The following CNTLN variants were observed in gnomAD, a reference collection of about 807,000 sequenced individuals.
CNTLN encodes the protein centlein, centrosomal protein.
CNTLN carries 212 observed loss-of-function variants against 180.0 expected under a neutral mutation model. The ratio of observed to expected loss-of-function variants is 1.18; its 90% CI spans 1.05 to 1.32. The LOEUF (loss-of-function observed/expected upper bound fraction) is 1.32, where lower values mean the gene tolerates loss of function less well. Ranked by LOEUF, CNTLN falls within the 40% of genes most tolerant of loss-of-function variation. The pLI is 0.00. For synonymous variants in CNTLN, 722 were observed against 563.1 expected, an observed-to-expected ratio of 1.28 and a Z score of -3.99; for missense variants, 2,095 against 1,610.9, an observed-to-expected ratio of 1.30 and a Z score of -5.14.
chr9:17,527,015 T>G, the CNTLN span, among the ~76,000 whole-genome samples: 6 of 152,266 alleles, frequency 3.9e-5, no homozygotes, highest in East Asian at 9.7e-4. Flanking sequence ...GTAGCTGGGA[T>G]TATAGGCGTG....
intron 15 of CNTLN, among the ~76,000 whole-genome samples, chr9:17,405,290 G>T (rs940184512): frequency 1.3e-5 from 2 of 151,630 alleles, no homozygotes; most frequent in Non-Finnish European, 2.9e-5. Flanking sequence ...ATTGTCTTCA[G>T]TCAGTGGACA....
intron 13 of CNTLN, among the ~76,000 whole-genome samples, chr9:17,387,721 A>G (rs1239044666): frequency 1.3e-5 from 2 of 152,112 alleles, no homozygotes; most frequent in Non-Finnish European, 2.9e-5. Flanking sequence ...TACAATTTCA[A>G]TCCACCCTAA....
chr9:17,212,865 A>G (rs1310429304), intron 2 of CNTLN, among the ~76,000 whole-genome samples: 3 of 152,102 alleles, frequency 2.0e-5, no homozygotes, highest in Non-Finnish European at 2.9e-5. Context: ...GTATTCTCTG[A>G]TGGTAATTTG....
At chr9:17,337,325 T>C (rs1405104733) in intron 10 of CNTLN, among the ~76,000 whole-genome samples, 2 of 149,624 alleles carry the variant, frequency 1.3e-5, no homozygotes, top group Non-Finnish European at 2.9e-5. Flanking sequence ...TAGATCCCAT[T>C]TGTCAATTTT....
chr9:17,349,500 C>A (rs1822186935), intron 12 of CNTLN, among the ~76,000 whole-genome samples: 1 of 151,974 alleles, frequency 6.6e-6, no homozygotes, highest in Non-Finnish European at 1.5e-5. Context: ...CTTTTAAAGA[C>A]TTTTATAAAA....
At chr9:17,206,987 C>T (rs1005089498) in intron 2 of CNTLN, among the ~76,000 whole-genome samples, 1 of 152,222 alleles carries the variant, frequency 6.6e-6, no homozygotes, top group African/African-American at 2.4e-5. Context: ...CCCTCCTTGT[C>T]TGTGCACTGA....
chr9:17,442,515 C>G (rs1335624420), intron 18 of CNTLN, among the ~76,000 whole-genome samples: 1 of 152,174 alleles, frequency 6.6e-6, no homozygotes, highest in Non-Finnish European at 1.5e-5. Context: ...TCTCCTGCCT[C>G]AGCCTCCTGA....
At chr9:17,415,324 AT>A (rs1828143886) in intron 16 of CNTLN, among the ~76,000 whole-genome samples, 2 of 152,170 alleles carry the variant, frequency 1.3e-5, no homozygotes, top group South Asian at 2.1e-4. Flanking sequence ...ATAATAGAGT[AT>A]TTGAGAAAAG....
At chr9:17,156,899 C>G (rs995487983) in intron 2 of CNTLN, among the ~76,000 whole-genome samples, 4 of 152,104 alleles carry the variant, frequency 2.6e-5, no homozygotes, top group African/African-American at 9.7e-5. Flanking sequence ...CTTTGGGAAG[C>G]AATGTAATTG....
chr9:17,315,318 T>C (rs1113380), intron 8 of CNTLN, among the ~76,000 whole-genome samples: 126,782 of 151,750 alleles, frequency 0.84, 53,140 homozygotes, highest in Non-Finnish European at 0.87. Flanking sequence ...ATGTTGTTTT[T>C]TGTATTTTGT....
At chr9:17,216,085 G>A (rs1196054796) in intron 2 of CNTLN, among the ~76,000 whole-genome samples, 1 of 152,134 alleles carries the variant, frequency 6.6e-6, no homozygotes, top group East Asian at 1.9e-4. Flanking sequence ...ACAAGCCCCA[G>A]TGAGTTGAAC....
At chr9:17,239,400 C>G (rs985883849) in intron 5 of CNTLN, among the ~76,000 whole-genome samples, 18 of 152,258 alleles carry the variant, frequency 1.2e-4, no homozygotes, top group African/African-American at 4.1e-4. Context: ...TACATTGAAA[C>G]TATTTTTTCT....
intron 7 of CNTLN, among the ~76,000 whole-genome samples, chr9:17,305,728 C>T (rs1818659678): frequency 6.6e-6 from 1 of 152,242 alleles, no homozygotes; most frequent in Non-Finnish European, 1.5e-5. Flanking sequence ...ACCAAGTTTA[C>T]TGCTGGACTG....
At position 17,197,784 on chromosome 9, in the gene CNTLN, C is replaced by T. The variant is rs558391078; in HGVS notation, c.450-28419C>T. On this transcript the variant is annotated intron_variant, in intron 2 of 25. Transcript: ENST00000380647. Reference sequence around the variant, plus strand: ...TTTTGCTTTGGTTGCCTGTGCTTATCGAGTATTACTCAAGAAATCTTTGCT... The same window carrying T: ...TTTTGCTTTGGTTGCCTGTGCTTATTGAGTATTACTCAAGAAATCTTTGCT... Among the ~76,000 whole-genome samples, 9 of 152,148 alleles carry T rather than the reference C, an allele frequency of 5.9e-5. No homozygotes were observed. The East Asian group carries it at 1.2e-3, about 20-fold the overall frequency.
At chr9:17,473,022 C>G (rs1832116879) in intron 23 of CNTLN, among the ~76,000 whole-genome samples, 2 of 152,124 alleles carry the variant, frequency 1.3e-5, no homozygotes, top group Admixed American at 6.5e-5. Flanking sequence ...CCTCATATGT[C>G]CCTTTGTCAT....
chr9:17,177,599 G>A (rs966956114), intron 2 of CNTLN, among the ~76,000 whole-genome samples: 7 of 152,022 alleles, frequency 4.6e-5, no homozygotes, highest in African/African-American at 1.7e-4. Flanking sequence ...CTTCTGGTGG[G>A]TTCGTGGTCT....
chr9:17,455,355 C>T (rs1037118164), intron 18 of CNTLN, among the ~76,000 whole-genome samples: 1 of 152,106 alleles, frequency 6.6e-6, no homozygotes, highest in Non-Finnish European at 1.5e-5. Context: ...AAGTACAAGT[C>T]ATTTAGTTTA....
At chr9:17,179,629 A>G (rs961984463) in intron 2 of CNTLN, among the ~76,000 whole-genome samples, 4 of 152,202 alleles carry the variant, frequency 2.6e-5, no homozygotes, top group African/African-American at 9.7e-5. Context: ...TTTGAAAATA[A>G]TATATATTTT....
chr9:17,371,490 G>A (rs752498955), intron 13 of CNTLN, among the ~76,000 whole-genome samples: 1 of 152,134 alleles, frequency 6.6e-6, no homozygotes, highest in Non-Finnish European at 1.5e-5. Flanking sequence ...TAGAGCTAAA[G>A]AGAAATGTAG....
Sources: allele counts gnomAD v4.1 joint callset (sites outside exome capture counted in the v4.1 genomes callset), GRCh38; gene constraint gnomAD v4.1.1; transcripts MANE v1.5; gene names NCBI Gene and HGNC (gene_info 2026-07-23, HGNC 2026-07-21).